RASA1: variants seen among roughly 807,000 people sequenced by gnomAD.
RASA1 encodes ras GTPase-activating protein 1.
RASA1 carries 25 observed loss-of-function variants against 132.2 expected under a neutral mutation model. That is an observed-to-expected ratio of 0.19 (90% CI 0.14 to 0.26). The LOEUF (loss-of-function observed/expected upper bound fraction) is 0.26, where lower values mean the gene tolerates loss of function less well. RASA1 is among the 10% of genes least tolerant of loss of function. The probability of loss-of-function intolerance (pLI) is 1.00; values close to 1 mark genes in which losing one functional copy is unlikely to be tolerated. For missense variants in RASA1, 964 were observed against 1,299.2 expected (o/e 0.74, Z 3.97); for synonymous variants, 477 against 449.9 (o/e 1.06, Z -0.76).
chr5:87,303,621 C>T (rs1755475195), intron 1 of RASA1, among the ~76,000 whole-genome samples: 1 of 151,770 alleles, frequency 6.6e-6, no homozygotes, highest in African/African-American at 2.4e-5. Context: ...TGATTTAGTT[C>T]CCTTGAGAGA....
intron 1 of RASA1, among the ~76,000 whole-genome samples, chr5:87,312,706 A>G (rs950460429): frequency 1.3e-5 from 2 of 152,190 alleles, no homozygotes; most frequent in Non-Finnish European, 2.9e-5. Flanking sequence ...GAATGCTACC[A>G]TGAATCTTCA....
chr5:87,312,262 T>C (rs1197127205), intron 1 of RASA1, among the ~76,000 whole-genome samples: 2 of 152,196 alleles, frequency 1.3e-5, no homozygotes, highest in Non-Finnish European at 2.9e-5. Context: ...CAAAGCAATA[T>C]AGAGCAACAT....
intron 21 of RASA1, among the ~76,000 whole-genome samples, chr5:87,384,482 G>A (rs1330077854): frequency 1.3e-5 from 2 of 152,018 alleles, no homozygotes; most frequent in Non-Finnish European, 2.9e-5. Flanking sequence ...GTTTTGGAAT[G>A]TCTTAATTTT....
intron 9 of RASA1, among the ~76,000 whole-genome samples, chr5:87,359,768 C>T (rs1164107011): frequency 1.3e-5 from 2 of 152,132 alleles, no homozygotes; most frequent in African/African-American, 4.8e-5. Context: ...TAATTCGCAT[C>T]ACCAAGATTA....
At chr5:87,322,037 T>G (rs1274456825) in intron 1 of RASA1, among the ~76,000 whole-genome samples, 2 of 152,100 alleles carry the variant, frequency 1.3e-5, no homozygotes, top group Non-Finnish European at 2.9e-5. Context: ...ATCTCGTATT[T>G]AATGAGACCT....
chr5:87,315,380 T>C (rs913550564), intron 1 of RASA1, among the ~76,000 whole-genome samples: 1 of 152,156 alleles, frequency 6.6e-6, no homozygotes, highest in East Asian at 1.9e-4. Flanking sequence ...CCTTCTCTTA[T>C]AAAAACCACC....
chr5:87,295,156 G>T (rs577115315), intron 1 of RASA1, among the ~76,000 whole-genome samples: 1 of 152,056 alleles, frequency 6.6e-6, no homozygotes, highest in African/African-American at 2.4e-5. Flanking sequence ...TAATATAGCT[G>T]CTCCCACTTT....
At position 87,333,117 on chromosome 5, in the gene RASA1, C is replaced by T. The variant is rs1232735675; in HGVS notation, c.829-150C>T. ...AACAACAAAAAAGCCTTTCTAGGCA[C>T]TGGGTATTTATAGTCCAAGTAAAAA... On this transcript the variant is annotated intron_variant, in intron 3 of 24. Transcript: ENST00000274376. 3.4e-6 allele frequency: 4 copies of T among 1,185,534 alleles called. No individual in the cohort carries two copies. The East Asian group carries it at 8.0e-5, about 24-fold the overall frequency. 73.4% of individuals were successfully genotyped at this position (1,185,534 alleles called of 1,614,324 possible).
chr5:87,269,149 T>C, intron 1 of RASA1, 159 bp downstream of exon 1: 2 of 1,613,116 alleles, frequency 1.2e-6, no homozygotes, highest in Non-Finnish European at 8.5e-7. Flanking sequence ...TGATCACTTA[T>C]CTTCCTTACA....
At chr5:87,368,655 T>C (rs752719916) in intron 11 of RASA1, among the ~76,000 whole-genome samples, 1 of 152,232 alleles carries the variant, frequency 6.6e-6, no homozygotes, top group East Asian at 1.9e-4. Context: ...ATGGAAAGCC[T>C]GAAATTCATT....
At chr5:87,359,028 AATTT>A (rs966520079) in intron 9 of RASA1, among the ~76,000 whole-genome samples, 2 of 152,160 alleles carry the variant, frequency 1.3e-5, no homozygotes, top group Admixed American at 6.6e-5. Flanking sequence ...CATGTAGTAC[AATTT>A]ATTTATTTAT....
At chr5:87,286,663 T>G (rs995265407) in intron 1 of RASA1, among the ~76,000 whole-genome samples, 2 of 151,990 alleles carry the variant, frequency 1.3e-5, no homozygotes, top group African/African-American at 4.8e-5. Flanking sequence ...TATTTTACTT[T>G]CAGTAGACAA....
rs1327856218 is a variant in RASA1 at position 87,391,723 on chromosome 5, A to ATTAT, written c.*843_*846dup. 3 of 231,320 alleles carry ATTAT rather than the reference A, an allele frequency of 1.3e-5. No homozygotes were observed. The highest frequency in any genetic ancestry group is 4.4e-5 in the African/African-American group (2 of 45,238). The allele number at this position is 231,320 out of a possible 1,614,324, so 14.3% of individuals were successfully genotyped here. A position where few individuals can be genotyped will look rare whatever the true frequency, so the allele number is the denominator to read the frequency against. ...TGCTTTTGTTAAAAGTTATTTGTTC[A>ATTAT]TTATTTGTGCTACCCCTTTGATTAT... On this transcript the variant is annotated 3_prime_UTR_variant, in exon 25 of 25. Transcript: ENST00000274376.
chr5:87,370,532 T>C lies in RASA1; in HGVS notation c.1698+632T>C, dbSNP rs139701007. On this transcript the variant is annotated intron_variant, in intron 12 of 24. Coordinates refer to ENST00000274376, the MANE Select transcript of RASA1 (RefSeq NM_002890.3). ...AAAAAATTAGCTAGGTGTTCTGGCT[T>C]ATGCCTGTAGTCCCAGCCACTGGGT... Among the ~76,000 whole-genome samples the C allele has an allele frequency of 7.2e-5, 11 of 152,280 alleles. No individual in the cohort carries two copies. The East Asian group carries it at 2.1e-3, about 29-fold the overall frequency.
chr5:87,391,259 C>G lies in RASA1; in HGVS notation c.*376C>G, dbSNP rs1185981969. The G allele has an allele frequency of 5.1e-6, 2 of 392,072 alleles. No homozygotes were observed. The allele number at this position is 392,072 out of a possible 1,614,324, so 24.3% of individuals were successfully genotyped here. A position where few individuals can be genotyped will look rare whatever the true frequency, so the allele number is the denominator to read the frequency against. ...TCTCTTAGAGAAAGAACTATGAAAT[C>G]AACTGACAAGAAACACATTCTTATT... On this transcript the variant is annotated 3_prime_UTR_variant, in exon 25 of 25. Transcript: ENST00000274376.
chr5:87,273,318 TATAAAA>T (rs1333988811), intron 1 of RASA1, among the ~76,000 whole-genome samples: 1 of 152,150 alleles, frequency 6.6e-6, no homozygotes, highest in Non-Finnish European at 1.5e-5. Flanking sequence ...TTGAGAAAAT[TATAAAA>T]ATAAAAAAAA....
chr5:87,271,702 C>T (rs904597376), intron 1 of RASA1, among the ~76,000 whole-genome samples: 5 of 151,568 alleles, frequency 3.3e-5, no homozygotes, highest in East Asian at 1.9e-4. Flanking sequence ...AGGCTGGTCT[C>T]GAACTCTGAC....
intron 5 of RASA1, among the ~76,000 whole-genome samples, chr5:87,339,147 G>C (rs1321507466): frequency 6.6e-6 from 1 of 151,728 alleles, no homozygotes; most frequent in Non-Finnish European, 1.5e-5. Flanking sequence ...GAAGAGTATT[G>C]CTCCTGGAAG....
At chr5:87,304,707 A>G (rs1477207028) in intron 1 of RASA1, among the ~76,000 whole-genome samples, 1 of 152,028 alleles carries the variant, frequency 6.6e-6, no homozygotes, top group Non-Finnish European at 1.5e-5. Flanking sequence ...ACCTCAAGTG[A>G]TCCACCCGCA....
Sources: allele counts gnomAD v4.1 joint callset (sites outside exome capture counted in the v4.1 genomes callset), GRCh38; gene constraint gnomAD v4.1.1; transcripts MANE v1.5; gene names NCBI Gene and HGNC (gene_info 2026-07-23, HGNC 2026-07-21).